SCRG1: variants seen among roughly 807,000 people sequenced by gnomAD.
The protein encoded by SCRG1 is scrapie-responsive protein 1.
Under a neutral mutation model 7.7 loss-of-function variants are expected in SCRG1, and 3 were observed. That is an observed-to-expected ratio of 0.39 (90% CI 0.18 to 1.01). The LOEUF (loss-of-function observed/expected upper bound fraction) is 1.01. Ranked by LOEUF, SCRG1 falls within the 50% of genes least tolerant of loss-of-function variation. The pLI, the probability that SCRG1 is intolerant of heterozygous loss-of-function variation, is 0.36. For synonymous variants in SCRG1, 46 were observed against 41.2 expected (o/e 1.12, Z -0.44); for missense variants, 110 against 117.2 (o/e 0.94, Z 0.28).
At chr4:173,516,271 A>G in the SCRG1 span, among the ~76,000 whole-genome samples, 1 of 152,154 alleles carries the variant, frequency 6.6e-6, no homozygotes, top group Non-Finnish European at 1.5e-5. Flanking sequence ...TTATTGTAAA[A>G]CACCACCCGG....
At chr4:173,419,942 C>T in the SCRG1 span, 12 of 741,104 alleles carry the variant, frequency 1.6e-5, no homozygotes, top group African/African-American at 1.2e-4. Flanking sequence ...TATCATAGCC[C>T]CCTCTATACG....
At chr4:173,409,965 T>C (rs542017174), upstream of SCRG1, among the ~76,000 whole-genome samples, 12 of 152,294 alleles carry the variant, frequency 7.9e-5, no homozygotes, top group South Asian at 2.5e-3. Flanking sequence ...TTTTGTGGCC[T>C]TACAATGGAT....
the SCRG1 span, among the ~76,000 whole-genome samples, chr4:173,477,746 CCTTCCTTCCTTCCT>C: frequency 6.7e-6 from 1 of 148,274 alleles, no homozygotes; most frequent in East Asian, 2.0e-4. Flanking sequence ...TTCCTTCCTT[CCTTCCTTCCTTCCT>C]TCCTTCCTTC....
chr4:173,463,330 G>A, the SCRG1 span, among the ~76,000 whole-genome samples: 5 of 152,098 alleles, frequency 3.3e-5, no homozygotes, highest in African/African-American at 1.2e-4. Context: ...CTGGAGTGCA[G>A]TGCCGTGATC....
chr4:173,432,253 T>C, the SCRG1 span, among the ~76,000 whole-genome samples: 1 of 150,124 alleles, frequency 6.7e-6, no homozygotes, highest in Non-Finnish European at 1.5e-5. Flanking sequence ...CTTCCTTCTT[T>C]CCTTCCTTCC....
the SCRG1 span, among the ~76,000 whole-genome samples, chr4:173,418,555 G>A: frequency 2.4e-3 from 365 of 152,326 alleles, 1 homozygote; most frequent in African/African-American, 8.4e-3. Context: ...AAGCTGACCA[G>A]TACGGAGTTT....
At chr4:173,389,401 T>C (rs373104761) in intron 2 of SCRG1, among the ~76,000 whole-genome samples, 1 of 152,056 alleles carries the variant, frequency 6.6e-6, no homozygotes, top group African/African-American at 2.4e-5. Flanking sequence ...CCGGGCGAGG[T>C]GGCGGGCGCC....
the SCRG1 span, among the ~76,000 whole-genome samples, chr4:173,483,258 TATATCATATATGATATATAATATATG>T: frequency 4.2e-4 from 28 of 66,266 alleles, no homozygotes; most frequent in African/African-American, 8.7e-4. Context: ...TCATATATGA[TATATCATATATGATATATAATATATG>T]ATATATCATA....
the SCRG1 span, chr4:173,419,733 C>T: frequency 2.7e-4 from 304 of 1,144,640 alleles, no homozygotes; most frequent in African/African-American, 2.7e-3. Context: ...GCAAGGTCTG[C>T]GACCAAATAG....
At chr4:173,483,107 C>T in the SCRG1 span, among the ~76,000 whole-genome samples, 1 of 67,242 alleles carries the variant, frequency 1.5e-5, no homozygotes, top group African/African-American at 5.6e-5. Context: ...CTATATATTA[C>T]ATATATTTTA....
At chr4:173,457,849 C>G in the SCRG1 span, among the ~76,000 whole-genome samples, 1 of 152,108 alleles carries the variant, frequency 6.6e-6, no homozygotes, top group Non-Finnish European at 1.5e-5. Context: ...TCCCTTTTCC[C>G]CAGTCCCTGC....
At chr4:173,505,971 A>AG in the SCRG1 span, among the ~76,000 whole-genome samples, 223 of 152,300 alleles carry the variant, frequency 1.5e-3, no homozygotes, top group Non-Finnish European at 2.4e-4. This position sits in a 1 kb window ranked among gnomAD's most constrained non-coding sequence, Gnocchi z 4.4. Context: ...TTAGGAACCA[A>AG]GTTAATCCTC....
the SCRG1 span, among the ~76,000 whole-genome samples, chr4:173,505,315 G>A: frequency 6.6e-6 from 1 of 152,140 alleles, no homozygotes; most frequent in Non-Finnish European, 1.5e-5. The surrounding 1 kb of genome is among the most constrained non-coding windows in gnomAD (Gnocchi z 4.4). Context: ...TGGAGTCAGT[G>A]CCCTGTAGAG....
At chr4:173,431,218 G>A in the SCRG1 span, among the ~76,000 whole-genome samples, 67,027 of 151,942 alleles carry the variant, frequency 0.44, 16,136 homozygotes, top group East Asian at 0.62. Context: ...ATGTTATTTG[G>A]GGGACCACTT....
the SCRG1 span, among the ~76,000 whole-genome samples, chr4:173,412,286 A>G: frequency 3.9e-5 from 6 of 152,184 alleles, no homozygotes; most frequent in African/African-American, 1.4e-4. Context: ...GGCTGAATAT[A>G]AGCCATGGCC....
the SCRG1 span, among the ~76,000 whole-genome samples, chr4:173,495,184 G>A: frequency 6.6e-6 from 1 of 152,152 alleles, no homozygotes; most frequent in African/African-American, 2.4e-5. Context: ...ATTATTATAC[G>A]ATATCGTCGT....
the SCRG1 span, among the ~76,000 whole-genome samples, chr4:173,432,459 C>T: frequency 0.4 from 60,109 of 151,098 alleles, 12,941 homozygotes; most frequent in Admixed American, 0.6. Flanking sequence ...TCCTGTCTCT[C>T]CCCACTCCCT....
the SCRG1 span, among the ~76,000 whole-genome samples, chr4:173,508,803 C>T: frequency 6.6e-6 from 1 of 152,134 alleles, no homozygotes; most frequent in Non-Finnish European, 1.5e-5. This position sits in a 1 kb window ranked among gnomAD's most constrained non-coding sequence, Gnocchi z 4.4. Context: ...CTAGGTCGAG[C>T]CTGTGGGAGA....
chr4:173,474,431 G>A, the SCRG1 span, among the ~76,000 whole-genome samples: 2 of 152,158 alleles, frequency 1.3e-5, no homozygotes, highest in East Asian at 3.9e-4. Context: ...ACATCAGAAA[G>A]TTATGAAAAT....
Sources: allele counts gnomAD v4.1 joint callset (sites outside exome capture counted in the v4.1 genomes callset), GRCh38; gene constraint gnomAD v4.1.1; non-coding constraint Gnocchi (gnomAD v3.1); transcripts MANE v1.5; gene names NCBI Gene and HGNC (gene_info 2026-07-23, HGNC 2026-07-21).